CNGB1: variants seen among roughly 807,000 people sequenced by gnomAD.
CNGB1 encodes cyclic nucleotide gated channel subunit beta 1.
A neutral mutation model predicts 151.7 loss-of-function variants in CNGB1; 126 were observed. The observed-to-expected ratio is 0.83, with a 90% CI of 0.72 to 0.96. The LOEUF is 0.96. Ranked by LOEUF, CNGB1 falls within the 40% of genes least tolerant of loss-of-function variation. CNGB1 has a pLI of 0.00. For missense variants in CNGB1, 1,698 were observed against 1,627.0 expected (o/e 1.04, Z -0.75); for synonymous variants, 623 against 635.1 (o/e 0.98, Z 0.29).
intron 14 of CNGB1, among the ~76,000 whole-genome samples, chr16:57,943,168 T>C (rs1961714252): frequency 6.6e-6 from 1 of 151,942 alleles, no homozygotes; most frequent in Admixed American, 6.6e-5. Context: ...CCAAAATATA[T>C]AAGAAACTCA....
In CNGB1 at chr16:57,897,882, C is replaced by T. The variant is rs1220138482; in HGVS notation, c.3009G>A (p.Gln1003=). Residue 1003 remains glutamine (Q), a synonymous_variant, in exon 30 of 33, where the codon CAG becomes CAA. Transcript: ENST00000251102. The stretch of plus-strand genomic sequence containing the variant: ...CGCCCAAGACCTGCACTTGCCCTGC[C>T]TGGATGATGTACATCTCACGGCCGA... The part of the protein sequence containing the change: ...GEIGREMYII[Q]AGQVQVLGGP... 6.2e-7 allele frequency: 1 copy of T among 1,614,128 alleles called. No homozygotes were observed. The highest frequency in any genetic ancestry group is 8.5e-7 in the Non-Finnish European group (1 of 1,180,052).
At chr16:57,915,167 TG>T (rs1960828585) in intron 23 of CNGB1, 81 bp downstream of exon 23, 2 of 1,143,036 alleles carry the variant, frequency 1.7e-6, no homozygotes, top group Non-Finnish European at 2.6e-6. Context: ...CCAGTGCTGC[TG>T]GGGGCAGACA....
chr16:57,946,824 C>T (rs973209210), intron 14 of CNGB1, among the ~76,000 whole-genome samples: 1 of 152,362 alleles, frequency 6.6e-6, no homozygotes, highest in East Asian at 1.9e-4. Flanking sequence ...AACTCTGTCA[C>T]TCCCTTGTCC....
intron 16 of CNGB1, among the ~76,000 whole-genome samples, chr16:57,932,566 C>A (rs1961385587): frequency 6.6e-6 from 1 of 151,398 alleles, no homozygotes; most frequent in South Asian, 2.1e-4. Flanking sequence ...CCACGCCCGG[C>A]TAGTTTTTGT....
intron 18 of CNGB1, 76 bp from the exon 19 acceptor site, chr16:57,920,620 C>T (rs971815440): frequency 2.1e-5 from 33 of 1,570,070 alleles, no homozygotes; most frequent in Non-Finnish European, 2.5e-5. Flanking sequence ...AGCTGTGCAG[C>T]GTCTGTGTCC....
At chr16:57,920,364 A>C (rs166000) in intron 19 of CNGB1, 23 bp downstream of exon 19, 1 of 1,613,280 alleles carries the variant, frequency 6.2e-7, no homozygotes, top group Non-Finnish European at 8.5e-7. Flanking sequence ...ATCCAGGTAG[A>C]CCCCCTCCAG....
At chr16:57,964,087 G>A (rs1279086025) in intron 4 of CNGB1, 43 bp downstream of exon 4, 1 of 1,593,352 alleles carries the variant, frequency 6.3e-7, no homozygotes, top group East Asian at 2.2e-5. Context: ...AGGGTAGTTG[G>A]GAGGCGGGCT....
chr16:57,952,166 C>T (rs1011142315), intron 12 of CNGB1, among the ~76,000 whole-genome samples: 10 of 152,240 alleles, frequency 6.6e-5, no homozygotes, highest in Admixed American at 2.0e-4. Context: ...CCTGACAGCA[C>T]GTGAGCTTTC....
chr16:57,888,358 G>A (rs1959993476), intron 31 of CNGB1, among the ~76,000 whole-genome samples: 1 of 152,134 alleles, frequency 6.6e-6, no homozygotes, highest in Admixed American at 6.5e-5. Flanking sequence ...AGGTCACACA[G>A]CTACGAAATT....
At chr16:57,964,263 C>A in intron 3 of CNGB1, 61 bp from the exon 4 acceptor site, 1 of 1,555,670 alleles carries the variant, frequency 6.4e-7, no homozygotes, top group South Asian at 1.1e-5. Context: ...TTCTACCCTG[C>A]TTGGGGAGAT....
At chr16:57,899,859 G>C (rs555559600) in intron 29 of CNGB1, among the ~76,000 whole-genome samples, 3 of 152,274 alleles carry the variant, frequency 2.0e-5, no homozygotes, top group African/African-American at 7.2e-5. Context: ...ACCAGTCCCC[G>C]GGGTGTCTCA....
Position 57,883,779 on chromosome 16 carries a change from T to G in CNGB1, c.*385A>C. The G allele has an allele frequency of 3.2e-6, 1 of 309,032 alleles. No individual in the cohort carries two copies. Among genetic ancestry groups the G allele is most frequent in the Non-Finnish European group, 6.2e-6 (1 of 162,124 alleles). The allele number at this position is 309,032 out of a possible 1,614,324, so 19.1% of individuals were successfully genotyped here. A position where few individuals can be genotyped will look rare whatever the true frequency, so the allele number is the denominator to read the frequency against. ...AATTCCTGAGGGGAAACCCCACACATTCAATAACACTTTACTTTTTCAGCA... is the reference window on the plus strand; with the variant it reads ...AATTCCTGAGGGGAAACCCCACACAGTCAATAACACTTTACTTTTTCAGCA... On this transcript the variant is annotated 3_prime_UTR_variant, in exon 33 of 33. Coordinates refer to ENST00000251102, the MANE Select transcript of CNGB1 (RefSeq NM_001297.5).
At position 57,957,518 on chromosome 16, in the gene CNGB1, G is replaced by C. The variant is rs955677692; in HGVS notation, c.838-141C>G. 7 of 745,742 alleles carry C rather than the reference G, an allele frequency of 9.4e-6. No individual in the cohort carries two copies. The African/African-American group carries it at 1.2e-4, about 13-fold the overall frequency. 46.2% of individuals were successfully genotyped at this position (745,742 alleles called of 1,614,324 possible). On this transcript the variant is annotated intron_variant, in intron 11 of 32. Transcript: ENST00000251102. ...CCATGGGATGGAGAAGAGAGTCCCT[G>C]CTGTGCCCAGGGCCAATGAAGGATT...
At chr16:57,944,030 G>A (rs1371732756) in intron 14 of CNGB1, among the ~76,000 whole-genome samples, 1 of 151,766 alleles carries the variant, frequency 6.6e-6, no homozygotes, top group Non-Finnish European at 1.5e-5. Flanking sequence ...TGGGAGTACA[G>A]GCCCATGTTA....
chr16:57,895,232 G>A (rs1960190847), intron 31 of CNGB1, among the ~76,000 whole-genome samples: 1 of 152,140 alleles, frequency 6.6e-6, no homozygotes, highest in African/African-American at 2.4e-5. Flanking sequence ...GATCACCTGA[G>A]GTCAGGAGTT....
At chr16:57,935,922 G>A (rs1013191203) in intron 16 of CNGB1, among the ~76,000 whole-genome samples, 1 of 152,216 alleles carries the variant, frequency 6.6e-6, no homozygotes, top group South Asian at 2.1e-4. Flanking sequence ...TCAAGCCAGG[G>A]AGAGGAGAGA....
At chr16:57,916,629 G>T (rs1435806216) in intron 21 of CNGB1, among the ~76,000 whole-genome samples, 2 of 152,166 alleles carry the variant, frequency 1.3e-5, no homozygotes, top group Admixed American at 1.3e-4. Flanking sequence ...GCACTGCCGG[G>T]GTGGAATTTT....
At chr16:57,957,253 A>G (rs1962112413) in intron 12 of CNGB1, 88 bp downstream of exon 12, 1 of 1,284,414 alleles carries the variant, frequency 7.8e-7, no homozygotes, top group Non-Finnish European at 1.1e-6. Context: ...GGCCAGGGAC[A>G]GCCCCCCTGC....
chr16:57,933,543 GA>G (rs1961418561), intron 16 of CNGB1, among the ~76,000 whole-genome samples: 1 of 152,130 alleles, frequency 6.6e-6, no homozygotes, highest in Non-Finnish European at 1.5e-5. Flanking sequence ...AGAGGATACT[GA>G]GAGGCTGGGA....
Sources: allele counts gnomAD v4.1 joint callset (sites outside exome capture counted in the v4.1 genomes callset), GRCh38; gene constraint gnomAD v4.1.1; transcripts MANE v1.5; gene names NCBI Gene and HGNC (gene_info 2026-07-23, HGNC 2026-07-21).